EGFR: variants seen among roughly 807,000 people sequenced by gnomAD.
EGFR encodes the protein epidermal growth factor receptor.
Under a neutral mutation model 143.0 loss-of-function variants are expected in EGFR, and 58 were observed. The ratio of observed to expected loss-of-function variants is 0.41; its 90% CI spans 0.33 to 0.50. The LOEUF is 0.50. Ranked by LOEUF, EGFR falls within the 20% of genes least tolerant of loss-of-function variation. The pLI, the probability that EGFR is intolerant of heterozygous loss-of-function variation, is 0.39. For missense variants in EGFR, 1,307 were observed against 1,579.0 expected (o/e 0.83, Z 2.92); for synonymous variants, 613 against 594.4 (o/e 1.03, Z -0.45).
chr7:55,189,595 A>G (rs1787297996), intron 20 of EGFR, among the ~76,000 whole-genome samples: 1 of 152,244 alleles, frequency 6.6e-6, no homozygotes, highest in Non-Finnish European at 1.5e-5. Context: ...ATGAATATGT[A>G]GAAACCACGC....
chr7:55,101,326 C>T (rs1042010409), intron 1 of EGFR, among the ~76,000 whole-genome samples: 3 of 152,226 alleles, frequency 2.0e-5, no homozygotes. Context: ...ATGTGATATG[C>T]CATCGGTACA....
At chr7:55,191,583 A>T (rs2128964076) in intron 20 of EGFR, 136 bp from the exon 21 acceptor site, 1 of 1,073,972 alleles carries the variant, frequency 9.3e-7, no homozygotes, top group Non-Finnish European at 1.4e-6. Flanking sequence ...TTGGATCAGT[A>T]GTCACTAACG....
At chr7:55,131,637 C>T (rs752923982) in intron 1 of EGFR, among the ~76,000 whole-genome samples, 1 of 152,180 alleles carries the variant, frequency 6.6e-6, no homozygotes, top group Admixed American at 6.5e-5. Flanking sequence ...CCAAGCTACC[C>T]CAAAGGCACT....
intron 13 of EGFR, 152 bp from the exon 14 acceptor site, chr7:55,163,581 T>A: frequency 1.4e-6 from 1 of 698,060 alleles, no homozygotes; most frequent in East Asian, 2.7e-5. Context: ...AGGATTCAGT[T>A]AACAAAATCA....
chr7:55,156,707 T>C lies in EGFR; in HGVS notation c.1133+48T>C, dbSNP rs775742688. 9.9e-6 allele frequency: 16 copies of C among 1,614,108 alleles called. No individual in the cohort carries two copies. The South Asian group carries it at 1.6e-4, about 17-fold the overall frequency. On this transcript the variant is annotated intron_variant, in intron 9 of 27. Transcript: ENST00000275493. ...TGTATAAAGAAAAACAAAATCTGCCTTTTTAACTGGTAGAGATTGGTGATC... is the reference window on the plus strand; with the variant it reads ...TGTATAAAGAAAAACAAAATCTGCCCTTTTAACTGGTAGAGATTGGTGATC...
intron 1 of EGFR, among the ~76,000 whole-genome samples, chr7:55,040,794 TTACTC>T: frequency 6.6e-6 from 1 of 152,342 alleles, no homozygotes; most frequent in South Asian, 2.1e-4. Flanking sequence ...TGTATATACT[TTACTC>T]AATTAACTAG....
rs188972834 is a variant in EGFR at position 55,188,031 on chromosome 7, G to A, written c.2470-3688G>A. Among the ~76,000 whole-genome samples, 6 of 152,334 alleles carry A rather than the reference G, an allele frequency of 3.9e-5. No homozygotes were observed. The East Asian group carries it at 1.2e-3, about 29-fold the overall frequency. ...GAGCCCCAGCCCCCAGGGGAAGGGT[G>A]ATGGTGGTCTTGGTCTCAGCATGGT... On this transcript the variant is annotated intron_variant, in intron 20 of 27. Coordinates refer to ENST00000275493, the MANE Select transcript of EGFR (RefSeq NM_005228.5).
At chr7:55,104,583 G>A (rs750328053) in intron 1 of EGFR, among the ~76,000 whole-genome samples, 10 of 152,166 alleles carry the variant, frequency 6.6e-5, no homozygotes, top group Non-Finnish European at 7.3e-5. Flanking sequence ...TACCGCATGC[G>A]GTAACTGTTT....
intron 1 of EGFR, among the ~76,000 whole-genome samples, chr7:55,088,791 C>T (rs1790923665): frequency 6.6e-6 from 1 of 152,216 alleles, no homozygotes; most frequent in African/African-American, 2.4e-5. Flanking sequence ...TCAGTCCTGT[C>T]CCTTTGACGA....
Position 55,205,239 on chromosome 7 carries a change from T to C in EGFR, c.3272-17T>C. ...GCTTTGCTGATTACTTCACCTCTGA[T>C]TTCTTTCCACTTTCAGAATACATAA... On this transcript the variant is annotated splice_polypyrimidine_tract_variant and intron_variant, in intron 27 of 27. Transcript: ENST00000275493. 6.2e-7 allele frequency: 1 copy of C among 1,613,924 alleles called. No individual in the cohort carries two copies. The highest frequency in any genetic ancestry group is 8.5e-7 in the Non-Finnish European group (1 of 1,180,006).
chr7:55,054,782 T>C (rs1218318125), intron 1 of EGFR, among the ~76,000 whole-genome samples: 1 of 152,212 alleles, frequency 6.6e-6, no homozygotes, highest in African/African-American at 2.4e-5. Context: ...TGCTTCCTTC[T>C]GGCATGGCTG....
chr7:55,156,388 A>C, intron 8 of EGFR, 145 bp from the exon 9 acceptor site: 1 of 1,189,148 alleles, frequency 8.4e-7, no homozygotes, highest in Non-Finnish European at 1.2e-6. Context: ...CAGCCCCTTC[A>C]GTGTTTGTTG....
chr7:55,154,142 G>A lies in EGFR; in HGVS notation c.879G>A (p.Lys293=), dbSNP rs766252686. The A allele has an allele frequency of 2.5e-6, 4 of 1,614,272 alleles. No homozygotes were observed. Among genetic ancestry groups the A allele is most frequent in the Non-Finnish European group, 3.4e-6 (4 of 1,180,060 alleles). Residue 293 remains lysine, a synonymous_variant, in exon 7 of 28, where the codon AAG becomes AAA. Transcript: ENST00000275493. The stretch of plus-strand genomic sequence containing the variant: ...ACAGCTTTGGTGCCACCTGCGTGAA[G>A]AAGTGTCCCCGTGAGTCCTCCTCTG... ...GKYSFGATCV[K]KCPRNYVVTD... is the part of the protein sequence containing the mutation.
rs2128927226 is a variant in EGFR, at chr7:55,143,331, C to A, written c.267C>A (p.Val89=). 6.2e-7 allele frequency: 1 copy of A among 1,614,216 alleles called. No individual in the cohort carries two copies. Among genetic ancestry groups the A allele is most frequent in the Non-Finnish European group, 8.5e-7 (1 of 1,180,038 alleles). ...CCATCCAGGAGGTGGCTGGTTATGT[C>A]CTCATTGCCCTCAACACAGTGGAGC... ...LKTIQEVAGY[V]LIALNTVERI... The change falls in exon 3 of 28, where the codon GTC becomes GTA. Residue 89 remains valine (V), a synonymous_variant. Coordinates refer to ENST00000275493, the MANE Select transcript of EGFR (RefSeq NM_005228.5).
chr7:55,040,992 C>T (rs555608781), intron 1 of EGFR, among the ~76,000 whole-genome samples: 74 of 152,300 alleles, frequency 4.9e-4, no homozygotes, highest in African/African-American at 1.6e-3. Context: ...ATGATCTTTC[C>T]GCAAGCTAAA....
chr7:55,161,683 G>A, intron 13 of EGFR, 52 bp downstream of exon 13: 1 of 1,613,836 alleles, frequency 6.2e-7, no homozygotes, highest in Non-Finnish European at 8.5e-7. Flanking sequence ...TAAGGCTCCA[G>A]GTTGTTGTTA....
chr7:55,142,190 A>C (rs1456311502), intron 1 of EGFR, 96 bp from the exon 2 acceptor site: 25 of 1,492,560 alleles, frequency 1.7e-5, no homozygotes, highest in Non-Finnish European at 2.2e-5. Flanking sequence ...GAGTGAAGAA[A>C]CTGCTACCCT....
chr7:55,112,374 C>T (rs1020148924), intron 1 of EGFR, among the ~76,000 whole-genome samples: 1 of 152,192 alleles, frequency 6.6e-6, no homozygotes, highest in African/African-American at 2.4e-5. Context: ...AGCAGCCAGG[C>T]GACTGAGGCA....
chr7:55,183,817 C>T (rs777873853), intron 20 of EGFR, among the ~76,000 whole-genome samples: 4 of 152,220 alleles, frequency 2.6e-5, no homozygotes, highest in African/African-American at 4.8e-5. Flanking sequence ...TCCCCAAACC[C>T]GGCCCTGCAT....
Sources: gnomAD v4.1 joint callset for allele counts (sites outside exome capture counted in the v4.1 genomes callset) on GRCh38, gnomAD v4.1.1 for gene constraint, MANE v1.5 for transcripts, NCBI Gene and HGNC (gene_info 2026-07-23, HGNC 2026-07-21) for gene names.